Variants in IDO2 observed in about 807,000 individuals in gnomAD.
IDO2 encodes indoleamine 2,3-dioxygenase 2, also known as indoleamine 2,3-dioxygenase-like 1 protein.
A neutral mutation model predicts 45.1 loss-of-function variants in IDO2; 46 were observed. That is an observed-to-expected ratio of 1.02 (90% confidence interval 0.80 to 1.30). IDO2 has a LOEUF of 1.30. Among genes scored for constraint, IDO2 ranks in the 50% most tolerant of loss-of-function variants. The pLI, the probability that IDO2 is intolerant of heterozygous loss-of-function variation, is 0.00. For synonymous variants in IDO2, 218 were observed against 184.9 expected, an observed-to-expected ratio of 1.18 and a Z score of -1.45; for missense variants, 544 against 491.8, an observed-to-expected ratio of 1.11 and a Z score of -1.00.
intron 3 of IDO2, among the ~76,000 whole-genome samples, chr8:39,972,037 T>C (rs1436792551): frequency 6.6e-6 from 1 of 152,180 alleles, no homozygotes; most frequent in African/African-American, 2.4e-5. Context: ...CTCAAACTCC[T>C]GGCATCAGGT....
intron 7 of IDO2, among the ~76,000 whole-genome samples, chr8:39,988,462 C>A (rs773131150): frequency 1.3e-5 from 2 of 152,184 alleles, no homozygotes; most frequent in South Asian, 4.1e-4. Flanking sequence ...TTTCTGCCTT[C>A]GCTCTGTCGC....
intron 8 of IDO2, among the ~76,000 whole-genome samples, chr8:40,004,927 C>A (rs190998049): frequency 1.3e-5 from 2 of 152,190 alleles, no homozygotes; most frequent in Non-Finnish European, 2.9e-5. Context: ...AGTTAAGCAT[C>A]GGTGAATTTA....
intron 1 of IDO2, among the ~76,000 whole-genome samples, chr8:39,946,204 C>T (rs1227611230): frequency 6.6e-6 from 1 of 152,190 alleles, no homozygotes; most frequent in Non-Finnish European, 1.5e-5. Context: ...TTGTGGCCCC[C>T]ACCCAGGAAC....
At chr8:40,001,395 G>A (rs1051743692) in intron 8 of IDO2, among the ~76,000 whole-genome samples, 34 of 151,272 alleles carry the variant, frequency 2.2e-4, no homozygotes, top group Non-Finnish European at 3.7e-4. Flanking sequence ...GACTACAGGC[G>A]TGCACCACCA....
rs1449421205 is a variant in IDO2, at chr8:39,949,638, C to T, written c.99+374C>T. Among the ~76,000 whole-genome samples the T allele has an allele frequency of 2.0e-5, 3 of 152,194 alleles. No homozygotes were observed. In the East Asian group the frequency reaches 5.8e-4, roughly 29 times the overall value. Reference sequence around the variant, plus strand: ...TACATGAGCTAAGGTCACAGTAAGACTCAAGCCCCTTCAACAGAGTACCTG... The same window carrying T: ...TACATGAGCTAAGGTCACAGTAAGATTCAAGCCCCTTCAACAGAGTACCTG... On this transcript the variant is annotated intron_variant, in intron 2 of 10. Transcript: ENST00000502986.
intron 3 of IDO2, among the ~76,000 whole-genome samples, chr8:39,974,602 G>A (rs1161917729): frequency 6.6e-6 from 1 of 152,002 alleles, no homozygotes; most frequent in African/African-American, 2.4e-5. Flanking sequence ...GGCCAACATG[G>A]TGAAACTCCA....
chr8:39,987,764 G>T (rs1252368121), intron 6 of IDO2, 107 bp from the exon 7 acceptor site: 5 of 653,910 alleles, frequency 7.6e-6, no homozygotes, highest in African/African-American at 1.8e-5. Flanking sequence ...AGAAAGTTGT[G>T]CAGTGATTCC....
intron 8 of IDO2, among the ~76,000 whole-genome samples, chr8:39,996,880 C>T (rs184209914): frequency 6.6e-6 from 1 of 152,278 alleles, no homozygotes; most frequent in Non-Finnish European, 1.5e-5. Flanking sequence ...CTAGTGTTAA[C>T]AAAAGCTCCA....
chr8:39,960,069 A>G (rs904405916), intron 2 of IDO2, among the ~76,000 whole-genome samples: 1 of 152,208 alleles, frequency 6.6e-6, no homozygotes, highest in Admixed American at 6.5e-5. Context: ...TTTGTCTCAG[A>G]TCCTCAGGGA....
intron 3 of IDO2, among the ~76,000 whole-genome samples, chr8:39,974,861 C>T (rs1002700317): frequency 2.6e-5 from 4 of 152,148 alleles, no homozygotes; most frequent in African/African-American, 9.6e-5. Context: ...GCAGAGGTTG[C>T]AGTGAACTGA....
At chr8:39,977,319 A>C (rs980641990) in intron 3 of IDO2, among the ~76,000 whole-genome samples, 1 of 152,242 alleles carries the variant, frequency 6.6e-6, no homozygotes, top group African/African-American at 2.4e-5. Flanking sequence ...TTCGGCTAAG[A>C]GAGTGTCAAT....
intron 4 of IDO2, among the ~76,000 whole-genome samples, chr8:39,980,282 A>G (rs1002859962): frequency 6.6e-6 from 1 of 152,250 alleles, no homozygotes; most frequent in East Asian, 1.9e-4. Context: ...AATCAAGGTC[A>G]GACAGCAAAT....
intron 9 of IDO2, among the ~76,000 whole-genome samples, chr8:40,009,174 C>T (rs1802270399): frequency 6.6e-6 from 1 of 152,094 alleles, no homozygotes; most frequent in Non-Finnish European, 1.5e-5. Context: ...GCCACAGTGC[C>T]CGGCTAATTT....
rs1040684579 is a variant in IDO2 at position 39,987,718 on chromosome 8, G to T, written c.450-153G>T. ...CTTTCCTCCCTGAATGTTGCTGAAG[G>T]TAGATGCCCATCCTCAGGGCTGTCT... On this transcript the variant is annotated intron_variant, in intron 6 of 10. Transcript: ENST00000502986. 7.0e-6 allele frequency: 4 copies of T among 572,420 alleles called. No homozygotes were observed. In the Admixed American group the frequency reaches 8.9e-5, roughly 13 times the overall value. The allele number at this position is 572,420 out of a possible 1,614,324, so 35.5% of individuals were successfully genotyped here.
At chr8:39,943,052 G>A (rs113224141) in intron 1 of IDO2, among the ~76,000 whole-genome samples, 1 of 152,190 alleles carries the variant, frequency 6.6e-6, no homozygotes, top group Admixed American at 6.5e-5. Flanking sequence ...TTGGGCTGAA[G>A]AGAATTGAGA....
chr8:39,974,081 CAA>C (rs1419528170), intron 3 of IDO2, among the ~76,000 whole-genome samples: 1 of 152,094 alleles, frequency 6.6e-6, no homozygotes, highest in African/African-American at 2.4e-5. Flanking sequence ...GATTATAAAA[CAA>C]ATGAACCAGA....
chr8:39,969,312 ACAGTGAT>A (rs555237561), intron 3 of IDO2, among the ~76,000 whole-genome samples: 150 of 152,306 alleles, frequency 9.8e-4, no homozygotes, highest in Non-Finnish European at 1.8e-3. Flanking sequence ...TACATCTGTT[ACAGTGAT>A]CTGTGATCAG....
At chr8:39,971,729 G>A (rs1052021293) in intron 3 of IDO2, among the ~76,000 whole-genome samples, 12 of 152,148 alleles carry the variant, frequency 7.9e-5, no homozygotes, top group South Asian at 2.1e-4. Context: ...TGGAGATGTC[G>A]CAGAAATAGT....
At chr8:40,008,305 C>T (rs1185304288) in intron 9 of IDO2, among the ~76,000 whole-genome samples, 1 of 152,126 alleles carries the variant, frequency 6.6e-6, no homozygotes, top group East Asian at 1.9e-4. Flanking sequence ...TTCAGCCTCC[C>T]AAAGTGCTGA....
Sources: gnomAD v4.1 joint callset for allele counts (sites outside exome capture counted in the v4.1 genomes callset) on GRCh38, gnomAD v4.1.1 for gene constraint, MANE v1.5 for transcripts, NCBI Gene and HGNC (gene_info 2026-07-23, HGNC 2026-07-21) for gene names.